FAM3B: variants seen among roughly 807,000 people sequenced by gnomAD.
The protein encoded by FAM3B is FAM3 metabolism regulating signaling molecule B.
Under a neutral mutation model 28.4 loss-of-function variants are expected in FAM3B, and 29 were observed. The ratio of observed to expected loss-of-function variants is 1.02; its 90% CI spans 0.76 to 1.39. The LOEUF (loss-of-function observed/expected upper bound fraction) is 1.39, where lower values mean the gene tolerates loss of function less well. FAM3B is among the 40% of genes most tolerant of loss of function. The pLI is 0.00. For missense variants in FAM3B, 266 were observed against 293.9 expected (o/e 0.91, Z 0.69); for synonymous variants, 91 against 103.0 (o/e 0.88, Z 0.71).
intron 7 of FAM3B, among the ~76,000 whole-genome samples, chr21:41,355,159 AAAGACAT>A (rs1294067371): frequency 1.3e-5 from 2 of 152,242 alleles, no homozygotes; most frequent in Non-Finnish European, 2.9e-5. Flanking sequence ...TGATTTTTAA[AAAGACAT>A]AAGAAGAAGT....
chr21:41,335,499 C>G, intron 2 of FAM3B, among the ~76,000 whole-genome samples: 1 of 152,132 alleles, frequency 6.6e-6, no homozygotes, highest in East Asian at 1.9e-4. Context: ...GCGCCTCCTT[C>G]CCACCCTCAC....
At chr21:41,322,422 A>G (rs997340764) in intron 1 of FAM3B, among the ~76,000 whole-genome samples, 1 of 152,176 alleles carries the variant, frequency 6.6e-6, no homozygotes, top group African/African-American at 2.4e-5. Context: ...TCCAGCAGGA[A>G]TACGTTGCAT....
intron 2 of FAM3B, among the ~76,000 whole-genome samples, chr21:41,333,435 T>G (rs1568917069): frequency 6.6e-6 from 1 of 152,170 alleles, no homozygotes; most frequent in Admixed American, 6.5e-5. Context: ...GAGATCTTGT[T>G]GTTCAAAAAT....
chr21:41,344,307 G>T (rs2089036210), intron 3 of FAM3B, among the ~76,000 whole-genome samples, 169 bp from the exon 4 acceptor site: 1 of 152,250 alleles, frequency 6.6e-6, no homozygotes, highest in Non-Finnish European at 1.5e-5. Context: ...GATGTGTGTG[G>T]ATGAACATGG....
chr21:41,352,187 T>C (rs1438614013), intron 7 of FAM3B, among the ~76,000 whole-genome samples: 2 of 152,230 alleles, frequency 1.3e-5, no homozygotes, highest in Non-Finnish European at 2.9e-5. Context: ...GAGTGGCTGC[T>C]CTTACCATAC....
intron 1 of FAM3B, among the ~76,000 whole-genome samples, chr21:41,311,168 T>C (rs540569453): frequency 8.9e-5 from 13 of 146,290 alleles, no homozygotes; most frequent in Non-Finnish European, 1.9e-4. Context: ...TTCTGAAGGT[T>C]CTGGCTATTG....
In FAM3B at chr21:41,338,745, A is replaced by C. The variant is rs2297278; in HGVS notation, c.287+244A>C. ...TGGTTTTACGGTTTCGTTTGACTGC[A>C]GTTGTACTTAGGATTTAAATCTGAA... On this transcript the variant is annotated intron_variant, in intron 3 of 7. Coordinates refer to ENST00000357985, the MANE Select transcript of FAM3B (RefSeq NM_058186.4). 3.4e-3 allele frequency among the ~76,000 whole-genome samples: 515 copies of C among 152,310 alleles called. 18 individuals carry two copies. In the East Asian group the frequency reaches 0.081, roughly 24 times the overall value.
intron 7 of FAM3B, among the ~76,000 whole-genome samples, chr21:41,353,841 A>G (rs1047004374): frequency 1.3e-5 from 2 of 152,362 alleles, no homozygotes; most frequent in South Asian, 2.1e-4. Flanking sequence ...AGCAAAAGAA[A>G]CTATCGAGTA....
At chr21:41,352,397 A>G (rs2089128603) in intron 7 of FAM3B, among the ~76,000 whole-genome samples, 1 of 148,616 alleles carries the variant, frequency 6.7e-6, no homozygotes, top group Admixed American at 6.7e-5. Context: ...TGCCCATGGC[A>G]TTTTGTACCT....
chr21:41,353,482 G>C (rs898294672), intron 7 of FAM3B, among the ~76,000 whole-genome samples: 1 of 152,220 alleles, frequency 6.6e-6, no homozygotes, highest in Non-Finnish European at 1.5e-5. Flanking sequence ...ATAGAATTGA[G>C]ACTCCAGCAG....
chr21:41,348,431 T>C (rs547519377), intron 6 of FAM3B, among the ~76,000 whole-genome samples, 161 bp from the exon 7 acceptor site: 8 of 152,354 alleles, frequency 5.3e-5, no homozygotes, highest in Admixed American at 3.9e-4. Context: ...AAGAAGCATG[T>C]GTGCCTCTTA....
chr21:41,336,816 T>C (rs575246925), intron 2 of FAM3B, among the ~76,000 whole-genome samples: 1 of 152,204 alleles, frequency 6.6e-6, no homozygotes, highest in Non-Finnish European at 1.5e-5. Flanking sequence ...ACTCCTTTAT[T>C]ATCATATAAT....
intron 1 of FAM3B, among the ~76,000 whole-genome samples, chr21:41,305,259 G>A (rs1050156693): frequency 2.0e-5 from 3 of 152,114 alleles, no homozygotes; most frequent in Admixed American, 6.5e-5. Flanking sequence ...TCCATGCAGA[G>A]GTATAGGCGA....
At chr21:41,339,493 C>T (rs954719131) in intron 3 of FAM3B, among the ~76,000 whole-genome samples, 1 of 152,090 alleles carries the variant, frequency 6.6e-6, no homozygotes, top group Admixed American at 6.5e-5. Context: ...GTGGACAGAA[C>T]CAAGCAATGC....
At chr21:41,333,151 A>T (rs796710535) in intron 2 of FAM3B, among the ~76,000 whole-genome samples, 150 of 149,536 alleles carry the variant, frequency 1.0e-3, no homozygotes, top group African/African-American at 3.6e-3. Flanking sequence ...TTTTGTCTCA[A>T]GATAGTTTTT....
chr21:41,339,644 C>T (rs1436096229), intron 3 of FAM3B, among the ~76,000 whole-genome samples: 1 of 152,148 alleles, frequency 6.6e-6, no homozygotes, highest in African/African-American at 2.4e-5. Context: ...TACTATTAAC[C>T]TTCGCCTTCA....
chr21:41,319,176 G>A (rs906944478), intron 1 of FAM3B, among the ~76,000 whole-genome samples: 2 of 152,138 alleles, frequency 1.3e-5, no homozygotes, highest in Non-Finnish European at 2.9e-5. Flanking sequence ...GGTAACAGGT[G>A]TAAGCCACTG....
intron 7 of FAM3B, among the ~76,000 whole-genome samples, chr21:41,352,820 T>TAAAC (rs150654301): frequency 5.3e-4 from 80 of 150,102 alleles, no homozygotes; most frequent in East Asian, 1.4e-3. Flanking sequence ...AATAAATAAA[T>TAAAC]AAATAAAGGA....
chr21:41,324,686 T>G (rs2088840657), intron 2 of FAM3B, among the ~76,000 whole-genome samples: 1 of 152,204 alleles, frequency 6.6e-6, no homozygotes, highest in Admixed American at 6.5e-5. Flanking sequence ...AGTGCACGTG[T>G]TTTAAGGTTC....
Sources: gnomAD v4.1 joint callset for allele counts (sites outside exome capture counted in the v4.1 genomes callset) on GRCh38, gnomAD v4.1.1 for gene constraint, MANE v1.5 for transcripts, NCBI Gene and HGNC (gene_info 2026-07-23, HGNC 2026-07-21) for gene names.